Variants in TTLL7 observed in about 807,000 individuals in gnomAD.
TTLL7 encodes tubulin polyglutamylase TTLL7.
A neutral mutation model predicts 120.2 loss-of-function variants in TTLL7; 53 were observed. The observed-to-expected ratio is 0.44, with a 90% CI of 0.35 to 0.55. The LOEUF is 0.55. TTLL7 is among the 20% of genes least tolerant of loss of function. The probability of loss-of-function intolerance (pLI) is 0.00; values close to 1 mark genes in which losing one functional copy is unlikely to be tolerated. For synonymous variants in TTLL7, 353 were observed against 351.7 expected (o/e 1.00, Z -0.04); for missense variants, 803 against 1,054.7 (o/e 0.76, Z 3.31).
chr1:83,943,530 GT>G, intron 6 of TTLL7, among the ~76,000 whole-genome samples: 1 of 152,256 alleles, frequency 6.6e-6, no homozygotes, highest in East Asian at 1.9e-4. Flanking sequence ...TTTGTTGTTT[GT>G]TTTGTTCTGT....
At chr1:83,986,396 A>G (rs1232207600) in intron 1 of TTLL7, among the ~76,000 whole-genome samples, 1 of 152,238 alleles carries the variant, frequency 6.6e-6, no homozygotes, top group Non-Finnish European at 1.5e-5. Flanking sequence ...GATACTAAAA[A>G]AAGTATTTGA....
intron 20 of TTLL7, 168 bp downstream of exon 20, chr1:83,882,795 G>C: frequency 3.1e-6 from 2 of 644,530 alleles, no homozygotes; most frequent in South Asian, 4.6e-5. Flanking sequence ...TCCCTTAAAG[G>C]TAAATACTGT....
At chr1:83,934,173 G>C (rs1394712054) in intron 8 of TTLL7, among the ~76,000 whole-genome samples, 5 of 152,146 alleles carry the variant, frequency 3.3e-5, no homozygotes, top group Admixed American at 1.3e-4. Context: ...CATTAGAGAA[G>C]GGTCCTTGTC....
chr1:83,871,251 T>C (rs763982006), intron 20 of TTLL7, among the ~76,000 whole-genome samples: 3 of 152,002 alleles, frequency 2.0e-5, no homozygotes, highest in South Asian at 2.1e-4. Context: ...AAATGAGTTA[T>C]GTTTTGTTTT....
In TTLL7 at chr1:83,917,669, G is replaced by A. The variant is rs765944989; in HGVS notation, c.1522C>T (p.Leu508=). Reference sequence around the variant, plus strand: ...TCATCATCAATTTCACATTGCTCCAGAAGATCCAAAATATCTTCTTCCTTC... The same window carrying A: ...TCATCATCAATTTCACATTGCTCCAAAAGATCCAAAATATCTTCTTCCTTC... ...RMKEEDILDL[L]EQCEIDDEKL... is the part of the protein sequence containing the mutation. Residue 508 remains leucine, a synonymous_variant, in exon 14 of 21, where the codon CTG becomes TTG. Coordinates refer to ENST00000260505, the MANE Select transcript of TTLL7 (RefSeq NM_024686.6). 1.4e-5 allele frequency: 22 copies of A among 1,612,580 alleles called. No homozygotes were observed. The highest frequency in any genetic ancestry group is 1.0e-5 in the Non-Finnish European group (12 of 1,178,960).
At chr1:83,985,278 A>T (rs1652338303) in intron 1 of TTLL7, among the ~76,000 whole-genome samples, 1 of 152,164 alleles carries the variant, frequency 6.6e-6, no homozygotes, top group South Asian at 2.1e-4. Context: ...AGGCCAAAGA[A>T]CCTGCAGTTT....
At chr1:83,989,698 TA>T (rs1484079683) in intron 1 of TTLL7, among the ~76,000 whole-genome samples, 1 of 152,224 alleles carries the variant, frequency 6.6e-6, no homozygotes, top group East Asian at 1.9e-4. Context: ...TTTGTTTTTT[TA>T]GTTCTGTGAA....
At chr1:83,973,918 T>C (rs186456737) in intron 1 of TTLL7, among the ~76,000 whole-genome samples, 291 of 151,952 alleles carry the variant, frequency 1.9e-3, no homozygotes, top group Admixed American at 3.1e-3. Flanking sequence ...ACTTCTGGGG[T>C]GCTGGAAATG....
intron 19 of TTLL7, 68 bp from the exon 20 acceptor site, chr1:83,883,204 T>C: frequency 7.6e-7 from 1 of 1,319,810 alleles, no homozygotes; most frequent in Middle Eastern, 2.4e-4. Flanking sequence ...ATATATCACT[T>C]CCCTAGCAAC....
rs192735626 is a variant in TTLL7 at position 83,986,981 on chromosome 1, T to C, written c.-177+11950A>G. 7.3e-4 allele frequency among the ~76,000 whole-genome samples: 111 copies of C among 152,290 alleles called. 1 individual carries two copies. The highest frequency in any genetic ancestry group is 2.4e-3 in the African/African-American group (101 of 41,566). ...TGGAAAGAAATAAAACTGTCTCTATTTTCTGATGACATGATTGTCTACATT... is the reference window on the plus strand; with the variant it reads ...TGGAAAGAAATAAAACTGTCTCTATCTTCTGATGACATGATTGTCTACATT... On this transcript the variant is annotated intron_variant, in intron 1 of 20. Coordinates refer to ENST00000260505, the MANE Select transcript of TTLL7 (RefSeq NM_024686.6).
intron 1 of TTLL7, among the ~76,000 whole-genome samples, chr1:83,978,233 C>G (rs1651666212): frequency 2.0e-5 from 3 of 152,058 alleles, no homozygotes; most frequent in Admixed American, 2.0e-4. Flanking sequence ...AGACACCAGT[C>G]AGGAAGGGAG....
At position 83,921,140 on chromosome 1, in the gene TTLL7, T is replaced by C. The variant is rs748870297; in HGVS notation, c.1311A>G (p.Val437=). ...KEELKERLAQ[V]RKQISREEHE... is the part of the protein sequence containing the mutation. ...GTTCTTCTCGTGAGATCTGCTTTCGTACTTGAGCGAGTCTCTCTTTCTGGA... is the reference window on the plus strand; with the variant it reads ...GTTCTTCTCGTGAGATCTGCTTTCGCACTTGAGCGAGTCTCTCTTTCTGGA... The change falls in exon 12 of 21, where the codon GTA becomes GTG. Residue 437 remains valine (V), a synonymous_variant. Coordinates refer to ENST00000260505, the MANE Select transcript of TTLL7 (RefSeq NM_024686.6). The C allele has an allele frequency of 6.2e-7, 1 of 1,613,240 alleles. No homozygotes were observed. Among genetic ancestry groups the C allele is most frequent in the South Asian group, 1.1e-5 (1 of 90,890 alleles).
intron 16 of TTLL7, among the ~76,000 whole-genome samples, chr1:83,906,740 T>C (rs1170011973): frequency 6.6e-6 from 1 of 152,066 alleles, no homozygotes; most frequent in Non-Finnish European, 1.5e-5. Context: ...GTCAGTTTCA[T>C]TTGCTACATA....
chr1:83,978,017 GT>G (rs1280371626), intron 1 of TTLL7, among the ~76,000 whole-genome samples: 2 of 151,800 alleles, frequency 1.3e-5, no homozygotes, highest in African/African-American at 4.8e-5. Context: ...AGTCCATTAG[GT>G]TTTTTTAATA....
chr1:83,893,221 G>T lies in TTLL7; in HGVS notation c.2209-2740C>A, dbSNP rs142774594. On this transcript the variant is annotated intron_variant, in intron 18 of 20. Transcript: ENST00000260505. The stretch of plus-strand genomic sequence containing the variant: ...AGCAGGCCATGCACAAACCAATCAT[G>T]AAAGAGTATAATGAAATAAGGACTA... 2.9e-4 allele frequency among the ~76,000 whole-genome samples: 44 copies of T among 152,070 alleles called. 1 individual carries two copies. In the East Asian group the frequency reaches 5.6e-3, roughly 19 times the overall value.
At chr1:83,892,043 G>T (rs1655521541) in intron 18 of TTLL7, among the ~76,000 whole-genome samples, 1 of 151,482 alleles carries the variant, frequency 6.6e-6, no homozygotes, top group South Asian at 2.1e-4. Context: ...TGCCCAGGCT[G>T]GTCTTGAACT....
rs144155518 is a variant in TTLL7, at chr1:83,888,012, T to C, written c.2369+2309A>G. Among the ~76,000 whole-genome samples the C allele has an allele frequency of 7.2e-3, 1,097 of 151,938 alleles. 20 individuals are homozygous for C. The highest frequency in any genetic ancestry group is 0.025 in the African/African-American group (1,049 of 41,478). On this transcript the variant is annotated intron_variant, in intron 19 of 20. Transcript: ENST00000260505. The stretch of plus-strand genomic sequence containing the variant: ...CTGGCAGGCAGTATTGTGCCAAGGA[T>C]AGGAGAAAAGGATTCTGAATCAAGT...
At chr1:83,909,757 T>C (rs752710788) in intron 15 of TTLL7, among the ~76,000 whole-genome samples, 55 of 152,234 alleles carry the variant, frequency 3.6e-4, no homozygotes, top group Admixed American at 2.6e-4. Context: ...CTCAGAGCTA[T>C]AACAATGTTA....
chr1:83,881,812 A>C (rs1246098971), intron 20 of TTLL7, among the ~76,000 whole-genome samples: 1 of 150,166 alleles, frequency 6.7e-6, no homozygotes, highest in East Asian at 2.0e-4. Context: ...GGCACTATTC[A>C]CAATAGCAAA....
Sources: allele counts gnomAD v4.1 joint callset (sites outside exome capture counted in the v4.1 genomes callset), GRCh38; gene constraint gnomAD v4.1.1; transcripts MANE v1.5; gene names NCBI Gene and HGNC (gene_info 2026-07-23, HGNC 2026-07-21).